Variants in SAMD8 observed in about 807,000 individuals in gnomAD.
The protein encoded by SAMD8 is sterile alpha motif domain containing 8, also known as sphingomyelin synthase-related protein 1.
In SAMD8, 20 loss-of-function variants were observed where a neutral mutation model predicts 42.0. The observed-to-expected ratio is 0.48, with a 90% CI of 0.34 to 0.69. SAMD8 has a LOEUF of 0.69. Among genes scored for constraint, SAMD8 ranks in the 30% least tolerant of loss-of-function variants. The pLI is 0.01. For missense variants in SAMD8, 328 were observed against 511.6 expected, an observed-to-expected ratio of 0.64 and a Z score of 3.46; for synonymous variants, 162 against 173.0, an observed-to-expected ratio of 0.94 and a Z score of 0.50.
At chr10:75,147,229 G>A (rs1840159275) in intron 1 of SAMD8, among the ~76,000 whole-genome samples, 1 of 152,232 alleles carries the variant, frequency 6.6e-6, no homozygotes, top group South Asian at 2.1e-4. Context: ...AAGAATGGGA[G>A]TGACATGGAA....
intron 1 of SAMD8, among the ~76,000 whole-genome samples, chr10:75,145,139 T>C (rs1262621536): frequency 6.6e-6 from 1 of 152,124 alleles, no homozygotes; most frequent in African/African-American, 2.4e-5. Context: ...GCAGGGGACA[T>C]CTCCCTTTGT....
At chr10:75,146,846 A>T (rs1385107418) in intron 1 of SAMD8, among the ~76,000 whole-genome samples, 1 of 152,138 alleles carries the variant, frequency 6.6e-6, no homozygotes, top group Non-Finnish European at 1.5e-5. Context: ...TTGGCCCTAA[A>T]GCTTTTTATC....
chr10:75,137,891 C>T (rs1278486620), intron 1 of SAMD8, among the ~76,000 whole-genome samples: 7 of 152,180 alleles, frequency 4.6e-5, no homozygotes, highest in Non-Finnish European at 1.0e-4. Context: ...TAGTTAACCA[C>T]ACACACAGAA....
At position 75,124,316 on chromosome 10, in the gene SAMD8, A is replaced by T. The variant is rs868701174; in HGVS notation, c.-16+12594A>T. ...AAGCAGAAATCCATTTATTTTTTAA[A>T]ATGTACCTGTCAGAGGCCAGGCACC... is the stretch of plus-strand genomic sequence containing the variant. On this transcript the variant is annotated intron_variant, in intron 1 of 5. Transcript: ENST00000542569. 7.2e-5 allele frequency among the ~76,000 whole-genome samples: 11 copies of T among 152,212 alleles called. No homozygotes were observed. In the South Asian group the frequency reaches 1.7e-3, roughly 23 times the overall value.
At chr10:75,111,454 G>T (rs1427355331), upstream of SAMD8, 3 of 1,189,540 alleles carry the variant, frequency 2.5e-6, no homozygotes, top group African/African-American at 4.7e-5. Context: ...CCTGCCGGTA[G>T]AACCCCGTCC....
chr10:75,145,728 C>G (rs1019838714), intron 1 of SAMD8, among the ~76,000 whole-genome samples: 3 of 152,150 alleles, frequency 2.0e-5, no homozygotes, highest in Non-Finnish European at 4.4e-5. Flanking sequence ...AAAGTTGTAA[C>G]AACCAAAAAT....
At chr10:75,129,272 T>TG (rs1849220111) in intron 1 of SAMD8, among the ~76,000 whole-genome samples, 1 of 152,040 alleles carries the variant, frequency 6.6e-6, no homozygotes, top group African/African-American at 2.4e-5. Context: ...GATGGAGTCT[T>TG]GCTCTGTCAC....
At position 75,165,665 on chromosome 10, in the gene SAMD8, T is replaced by C. The variant is rs549574485; in HGVS notation, c.674+925T>C. Among the ~76,000 whole-genome samples, 6 of 143,066 alleles carry C rather than the reference T, an allele frequency of 4.2e-5. No homozygotes were observed. The South Asian group carries it at 6.7e-4, about 16-fold the overall frequency. The allele number at this position is 143,066 out of a possible 152,430, so 93.9% of individuals were successfully genotyped here. On this transcript the variant is annotated intron_variant, in intron 3 of 5. Coordinates refer to ENST00000542569, the MANE Select transcript of SAMD8 (RefSeq NM_001174156.2). ...CAGCCTGGGCGACAGAGTGAGACTC[T>C]GTCTCAAAAAAAAAAAAAAAAGATT...
chr10:75,166,944 G>T (rs1840696817), intron 3 of SAMD8, among the ~76,000 whole-genome samples: 1 of 152,116 alleles, frequency 6.6e-6, no homozygotes, highest in South Asian at 2.1e-4. Flanking sequence ...AGATTCCTAG[G>T]TTCCATCTCA....
intron 2 of SAMD8, 61 bp from the exon 3 acceptor site, chr10:75,164,582 GAA>G (rs761727365): frequency 8.2e-5 from 128 of 1,565,502 alleles, no homozygotes; most frequent in Non-Finnish European, 1.1e-4. Flanking sequence ...GCACCTTACT[GAA>G]AAGGGTGGCA....
intron 1 of SAMD8, among the ~76,000 whole-genome samples, chr10:75,128,276 T>C (rs1849192441): frequency 6.6e-6 from 1 of 152,094 alleles, no homozygotes; most frequent in East Asian, 1.9e-4. Flanking sequence ...TTTCACCATG[T>C]TGGCTAGGCT....
intron 1 of SAMD8, among the ~76,000 whole-genome samples, chr10:75,116,611 T>C (rs1040432245): frequency 6.6e-6 from 1 of 152,176 alleles, no homozygotes; most frequent in Non-Finnish European, 1.5e-5. Context: ...TGCAAATCTG[T>C]TTTAGTTTGG....
At chr10:75,163,876 C>A (rs576786860) in intron 2 of SAMD8, among the ~76,000 whole-genome samples, 4 of 151,760 alleles carry the variant, frequency 2.6e-5, no homozygotes, top group African/African-American at 7.3e-5. Context: ...AGAAAAAAAA[C>A]CAGGGTTACA....
chr10:75,112,709 A>G (rs1408330819), intron 1 of SAMD8, among the ~76,000 whole-genome samples: 4 of 152,242 alleles, frequency 2.6e-5, no homozygotes, highest in Non-Finnish European at 5.9e-5. Flanking sequence ...TTACTATATT[A>G]CCTTTAAGTT....
At chr10:75,144,891 T>G (rs775763931) in intron 1 of SAMD8, among the ~76,000 whole-genome samples, 6 of 152,156 alleles carry the variant, frequency 3.9e-5, no homozygotes, top group Non-Finnish European at 8.8e-5. Flanking sequence ...ACTCATAGGC[T>G]TAAGCAATCC....
chr10:75,176,736 G>A lies in SAMD8; in HGVS notation c.*44G>A, dbSNP rs995986009. ...ATTTGTGATTAAATATATAATAGTT[G>A]TTGAAAATGAGTAACTTTGCGTTCT... On this transcript the variant is annotated 3_prime_UTR_variant, in exon 6 of 6. Coordinates refer to ENST00000542569, the MANE Select transcript of SAMD8 (RefSeq NM_001174156.2). This position sits in a 1 kb window ranked among gnomAD's most constrained non-coding sequence, Gnocchi z 4.3. 6 of 1,391,914 alleles carry A rather than the reference G, an allele frequency of 4.3e-6. No individual in the cohort carries two copies. In the African/African-American group the frequency reaches 8.8e-5, roughly 20 times the overall value. The allele number at this position is 1,391,914 out of a possible 1,614,324, so 86.2% of individuals were successfully genotyped here.
rs184995365 is a variant in SAMD8 at position 75,152,875 on chromosome 10, A to T, written c.578+1769A>T. Among the ~76,000 whole-genome samples, 34 of 152,270 alleles carry T rather than the reference A, an allele frequency of 2.2e-4. No homozygotes were observed. In the East Asian group the frequency reaches 6.2e-3, roughly 28 times the overall value. On this transcript the variant is annotated intron_variant, in intron 2 of 5. Transcript: ENST00000542569. ...AGCGAGACCCTGCCTGTCTCCAACA[A>T]CAATAATAATAATAAAACAGTAAAC...
intron 2 of SAMD8, among the ~76,000 whole-genome samples, chr10:75,151,377 C>T (rs2134484170): frequency 6.6e-6 from 1 of 152,124 alleles, no homozygotes; most frequent in East Asian, 1.9e-4. Context: ...TTGAGACAGT[C>T]TCACACTGCA....
upstream of SAMD8, chr10:75,108,100 T>C (rs753908687): frequency 1.2e-6 from 2 of 1,613,866 alleles, no homozygotes; most frequent in African/African-American, 1.3e-5. Context: ...TAGCTCACAC[T>C]GCTGCCGTAG....
Sources: gnomAD v4.1 joint callset for allele counts (sites outside exome capture counted in the v4.1 genomes callset) on GRCh38, gnomAD v4.1.1 for gene constraint, Gnocchi (gnomAD v3.1) non-coding constraint, MANE v1.5 for transcripts, NCBI Gene and HGNC (gene_info 2026-07-23, HGNC 2026-07-21) for gene names.